Variants in KLK3 observed in about 807,000 individuals in gnomAD.
KLK3 encodes the protein prostate-specific antigen.
KLK3 carries 23 observed loss-of-function variants against 27.7 expected under a neutral mutation model. The ratio of observed to expected loss-of-function variants is 0.83; its 90% CI spans 0.60 to 1.17. The LOEUF is 1.17. KLK3 is among the 50% of genes most tolerant of loss of function. The pLI is 0.00. For missense variants in KLK3, 322 were observed against 338.1 expected, an observed-to-expected ratio of 0.95 and a Z score of 0.37; for synonymous variants, 142 against 134.2, an observed-to-expected ratio of 1.06 and a Z score of -0.40.
chr19:50,859,611 G>A (rs1296584385), intron 4 of KLK3: 2 of 1,613,442 alleles, frequency 1.2e-6, no homozygotes, highest in Non-Finnish European at 1.7e-6. Flanking sequence ...GAGAGGAGGT[G>A]TCTAGTCAGA....
intron 2 of KLK3, among the ~76,000 whole-genome samples, chr19:50,857,064 G>A (rs1191187572): frequency 6.7e-6 from 1 of 149,018 alleles, no homozygotes; most frequent in African/African-American, 2.5e-5. Flanking sequence ...TCAGGAGGCT[G>A]AGGGAGGAGA....
intron 4 of KLK3, 88 bp downstream of exon 4, chr19:50,858,683 C>T: frequency 7.0e-7 from 1 of 1,434,020 alleles, no homozygotes; most frequent in East Asian, 2.3e-5. Flanking sequence ...AACAAGGCGT[C>T]TGCCTCCCCT....
At chr19:50,855,164 T>A (rs2090139190) in intron 1 of KLK3, 163 bp downstream of exon 1, 1 of 661,618 alleles carries the variant, frequency 1.5e-6, no homozygotes, top group Non-Finnish European at 2.6e-6. Context: ...AGCCCCTCCA[T>A]ATTGCAACAG....
intron 2 of KLK3, chr19:50,857,752 T>A: frequency 2.7e-6 from 1 of 368,502 alleles, no homozygotes; most frequent in Non-Finnish European, 4.9e-6. Flanking sequence ...TCACCTTGTT[T>A]GTCACTGTTC....
chr19:50,858,301 T>A lies in KLK3; in HGVS notation c.479T>A (p.Ile160Asn). Residue 160 changes from isoleucine (I) to asparagine (N), a missense_variant, in exon 3 of 5, where the codon ATT (isoleucine) becomes AAT (asparagine). Physicochemically the swap from Ile to Asn is moderately radical, Grantham distance 149 (BLOSUM62 -3). Transcript: ENST00000326003. Reference protein sequence around the residue: ...TTCYASGWGSIEPEEFLTPKK... With the variant: ...TTCYASGWGSNEPEEFLTPKK... The stretch of plus-strand genomic sequence containing the variant: ...TGCTACGCCTCAGGCTGGGGCAGCA[T>A]TGAACCAGAGGAGTGTACGCCTGGG... 2.5e-6 allele frequency: 4 copies of A among 1,613,552 alleles called. No homozygotes were observed. In the South Asian group the frequency reaches 4.4e-5, roughly 18 times the overall value.
In KLK3 at chr19:50,860,360, T is replaced by C. The variant is rs1318957656; in HGVS notation, c.*233T>C. ...ATGCCTGGAGACATATCACTCAATT[T>C]CTCTGAGGACACAGATAGGATGGGG... On this transcript the variant is annotated 3_prime_UTR_variant, in exon 5 of 5. Coordinates refer to ENST00000326003, the MANE Select transcript of KLK3 (RefSeq NM_001648.2). The C allele has an allele frequency of 2.3e-6, 1 of 427,180 alleles. No individual in the cohort carries two copies. The highest frequency in any genetic ancestry group is 4.2e-6 in the Non-Finnish European group (1 of 236,692). 26.5% of individuals were successfully genotyped at this position (427,180 alleles called of 1,614,324 possible). A position where few individuals can be genotyped will look rare whatever the true frequency, so the allele number is the denominator to read the frequency against.
intron 2 of KLK3, among the ~76,000 whole-genome samples, chr19:50,857,006 A>G (rs1333625120): frequency 6.6e-6 from 1 of 151,858 alleles, no homozygotes; most frequent in Non-Finnish European, 1.5e-5. Flanking sequence ...TACTAAAAAT[A>G]CAAAAAATTA....
At position 50,860,188 on chromosome 19, in the gene KLK3, C is replaced by A; in HGVS notation, c.*61C>A. 1 of 1,330,056 alleles carries A rather than the reference C, an allele frequency of 7.5e-7. No individual in the cohort carries two copies. The highest frequency in any genetic ancestry group is 1.1e-6 in the Non-Finnish European group (1 of 939,244). The allele number at this position is 1,330,056 out of a possible 1,614,324, so 82.4% of individuals were successfully genotyped here. ...AACCTTGGAAATGACCAGGCCAAGACTCAAGCCTCCCCAGTTCTACTGACC... is the reference window on the plus strand; with the variant it reads ...AACCTTGGAAATGACCAGGCCAAGAATCAAGCCTCCCCAGTTCTACTGACC... On this transcript the variant is annotated 3_prime_UTR_variant, in exon 5 of 5. Coordinates refer to ENST00000326003, the MANE Select transcript of KLK3 (RefSeq NM_001648.2).
intron 2 of KLK3, 59 bp from the exon 3 acceptor site, chr19:50,857,970 T>C: frequency 6.5e-7 from 1 of 1,528,430 alleles, no homozygotes; most frequent in Non-Finnish European, 8.8e-7. Context: ...TGCTCCTCTG[T>C]CCCTTCTCTC....
At chr19:50,855,146 A>T (rs745580339) in intron 1 of KLK3, 145 bp downstream of exon 1, 3 of 738,528 alleles carry the variant, frequency 4.1e-6, no homozygotes, top group Non-Finnish European at 6.8e-6. Flanking sequence ...CTCCAAGCCC[A>T]TACCCCCAGC....
intron 4 of KLK3, among the ~76,000 whole-genome samples, chr19:50,859,331 G>GC (rs71670493): frequency 0.38 from 57,798 of 151,848 alleles, 11,517 homozygotes; most frequent in African/African-American, 0.43. Context: ...CCTGGCTCAG[G>GC]TGTCCAGAGG....
intron 1 of KLK3, 190 bp downstream of exon 1, chr19:50,855,191 A>G: frequency 1.7e-6 from 1 of 595,290 alleles, no homozygotes; most frequent in Non-Finnish European, 3.0e-6. Context: ...CTCCCACACC[A>G]GGTCCCCGCT....
intron 1 of KLK3, chr19:50,855,670 T>C (rs1296570482): frequency 6.5e-6 from 1 of 153,396 alleles, no homozygotes; most frequent in Non-Finnish European, 1.5e-5. Flanking sequence ...CAGCCACAAC[T>C]GCCAGCTCTC....
chr19:50,855,375 T>C (rs970995028), intron 1 of KLK3: 11 of 252,298 alleles, frequency 4.4e-5, no homozygotes, highest in Non-Finnish European at 6.2e-5. Flanking sequence ...CTGGTCCACC[T>C]CCTGAGCCCC....
chr19:50,856,667 A>C, intron 2 of KLK3: 1 of 429,400 alleles, frequency 2.3e-6, no homozygotes, highest in Non-Finnish European at 4.1e-6. Context: ...TCTCCGTGTG[A>C]CTATTTTGTT....
At chr19:50,856,855 G>T in intron 2 of KLK3, 1 of 157,528 alleles carries the variant, frequency 6.3e-6, no homozygotes, top group Non-Finnish European at 1.4e-5. Context: ...TGGGCCTGGG[G>T]GGACCCTGAG....
rs2090173695 is a variant in KLK3 at position 50,859,882 on chromosome 19, G to C, written c.631-90G>C. ...CTTCCAAAGCTGGGAACTGCTATCT[G>C]TTATCTGCCTGTCCAGGTCTGAAAG... On this transcript the variant is annotated intron_variant, in intron 4 of 4. Coordinates refer to ENST00000326003, the MANE Select transcript of KLK3 (RefSeq NM_001648.2). 15 of 1,524,182 alleles carry C rather than the reference G, an allele frequency of 9.8e-6. No homozygotes were observed. In the South Asian group the frequency reaches 2.0e-4, roughly 20 times the overall value. The allele number at this position is 1,524,182 out of a possible 1,614,324, so 94.4% of individuals were successfully genotyped here.
chr19:50,856,195 C>T (rs1415225070), intron 1 of KLK3, 45 bp from the exon 2 acceptor site: 5 of 1,556,866 alleles, frequency 3.2e-6, no homozygotes, highest in South Asian at 1.2e-5. Context: ...TCCCCCAGTT[C>T]CTCCTGTCAA....
rs144748315 is a variant in KLK3 at position 50,860,108 on chromosome 19, C to T, written c.767C>T (p.Thr256Ile). 197 of 1,613,564 alleles carry T rather than the reference C, an allele frequency of 1.2e-4. 1 individual carries two copies. The highest frequency in any genetic ancestry group is 2.2e-5 in the Non-Finnish European group (26 of 1,179,618). ...CATTACCGGAAGTGGATCAAGGACA[C>T]CATCGTGGCCAACCCCTGAGCACCC... Reference protein sequence around the residue: ...VVHYRKWIKDTIVANP With the variant: ...VVHYRKWIKDIIVANP The change falls in exon 5 of 5, where the codon ACC becomes ATC. Residue 256 changes from threonine to isoleucine, a missense_variant. By Grantham distance (89) the Thr-to-Ile change is moderately conservative. Transcript: ENST00000326003.
Sources: allele counts gnomAD v4.1 joint callset (sites outside exome capture counted in the v4.1 genomes callset), GRCh38; gene constraint gnomAD v4.1.1; transcripts MANE v1.5; gene names NCBI Gene and HGNC (gene_info 2026-07-23, HGNC 2026-07-21).